Variants in SYTL3 observed in about 807,000 individuals in gnomAD.
SYTL3 encodes synaptotagmin-like protein 3.
Under a neutral mutation model 82.1 loss-of-function variants are expected in SYTL3, and 88 were observed. The observed-to-expected ratio is 1.07, with a 90% CI of 0.90 to 1.28. The LOEUF (loss-of-function observed/expected upper bound fraction) is 1.28. Among genes scored for constraint, SYTL3 ranks in the 50% most tolerant of loss-of-function variants. The pLI is 0.00. For missense variants in SYTL3, 831 were observed against 757.6 expected, an observed-to-expected ratio of 1.10 and a Z score of -1.14; for synonymous variants, 311 against 289.4, an observed-to-expected ratio of 1.07 and a Z score of -0.76.
intron 11 of SYTL3, among the ~76,000 whole-genome samples, chr6:158,735,749 A>G (rs1390064528): frequency 6.6e-6 from 1 of 152,250 alleles, no homozygotes; most frequent in Non-Finnish European, 1.5e-5. Flanking sequence ...TCAGTGCAAA[A>G]TTAAAGCAAG....
Position 158,764,619 on chromosome 6 carries a change from G to A in SYTL3, c.*15G>A. 1.9e-6 allele frequency: 3 copies of A among 1,593,958 alleles called. No individual in the cohort carries two copies. Among genetic ancestry groups the A allele is most frequent in the Non-Finnish European group, 2.6e-6 (3 of 1,161,644 alleles). On this transcript the variant is annotated 3_prime_UTR_variant, in exon 18 of 18. Transcript: ENST00000611299. ...TCCTGCACTGACATGAAGGCCTCAA[G>A]GTTCCAGGTTGCAGCAGGCGTGAGG... is the stretch of plus-strand genomic sequence containing the variant.
At position 158,758,817 on chromosome 6, in the gene SYTL3, A is replaced by G. The variant is rs74594821; in HGVS notation, c.1308+1436A>G. ...CTCCTCCAGGAAGCCATTCCTGATT[A>G]CCCCTACCAGAAGTGGCCTCCCTTC... is the stretch of plus-strand genomic sequence containing the variant. On this transcript the variant is annotated intron_variant, in intron 14 of 17. Transcript: ENST00000611299. Among the ~76,000 whole-genome samples the G allele has an allele frequency of 4.0e-3, 613 of 152,054 alleles. 43 individuals carry two copies. The East Asian group carries it at 0.098, about 24-fold the overall frequency.
At chr6:158,764,461 C>A (rs375461335) in intron 17 of SYTL3, 34 bp from the exon 18 acceptor site, 1 of 1,544,712 alleles carries the variant, frequency 6.5e-7, no homozygotes, top group Non-Finnish European at 8.9e-7. Context: ...GGTGCCCTCC[C>A]CGACCATGGC....
At chr6:158,719,379 T>G (rs1245686214) in intron 10 of SYTL3, among the ~76,000 whole-genome samples, 1 of 152,120 alleles carries the variant, frequency 6.6e-6, no homozygotes, top group Non-Finnish European at 1.5e-5. Flanking sequence ...CCAGCTCTTA[T>G]GAGTATAGGG....
chr6:158,688,482 G>A (rs376569730), intron 6 of SYTL3, among the ~76,000 whole-genome samples: 16 of 152,210 alleles, frequency 1.1e-4, no homozygotes, highest in Middle Eastern at 3.4e-3. Context: ...AAAACTAGAC[G>A]CCAGGCTCAG....
intron 9 of SYTL3, among the ~76,000 whole-genome samples, chr6:158,716,889 A>G (rs1313167774): frequency 6.6e-6 from 1 of 152,242 alleles, no homozygotes; most frequent in Non-Finnish European, 1.5e-5. Flanking sequence ...GGTTTCAGAG[A>G]CTTGGAATCC....
intron 11 of SYTL3, among the ~76,000 whole-genome samples, chr6:158,734,389 G>T (rs573136627): frequency 5.3e-5 from 8 of 152,068 alleles, no homozygotes; most frequent in African/African-American, 1.9e-4. Flanking sequence ...AGCCAAGTAC[G>T]TGGGCTTGGA....
At chr6:158,725,710 C>T in intron 11 of SYTL3, 73 bp downstream of exon 11, 2 of 1,547,926 alleles carry the variant, frequency 1.3e-6, no homozygotes, top group Non-Finnish European at 1.8e-6. Flanking sequence ...TGTACAAGTC[C>T]TTATTTCAAT....
At chr6:158,759,216 A>T (rs1202135335) in intron 14 of SYTL3, among the ~76,000 whole-genome samples, 3 of 152,162 alleles carry the variant, frequency 2.0e-5, no homozygotes, top group Non-Finnish European at 4.4e-5. Context: ...ACAGAGCTGC[A>T]GGTGGCACAG....
chr6:158,684,810 T>TAAAA (rs370131896), intron 6 of SYTL3, among the ~76,000 whole-genome samples: 1 of 125,446 alleles, frequency 8.0e-6, no homozygotes. Context: ...TGGCTCTTCT[T>TAAAA]AAAAAAAAAA....
rs1788053003 is a variant in SYTL3 at position 158,651,812 on chromosome 6, A to T, written c.-667A>T. 6.6e-6 allele frequency: 1 copy of T among 151,952 alleles called. No homozygotes were observed. Among genetic ancestry groups the T allele is most frequent in the Admixed American group, 6.5e-5 (1 of 15,276 alleles). The allele number at this position is 151,952 out of a possible 1,614,324, so 9.4% of individuals were successfully genotyped here. A position where few individuals can be genotyped will look rare whatever the true frequency, so the allele number is the denominator to read the frequency against. On this transcript the variant is annotated 5_prime_UTR_variant, in exon 2 of 18. Coordinates refer to ENST00000611299, the MANE Select transcript of SYTL3 (RefSeq NM_001242394.2). ...GGTGAATTGCAGTGATCTTTCAGAG[A>T]AAGCGCCTGTTCAACTTTGTCCTCT...
At chr6:158,649,434 C>T (rs956752400), upstream of SYTL3, among the ~76,000 whole-genome samples, 1 of 152,284 alleles carries the variant, frequency 6.6e-6, no homozygotes, top group African/African-American at 2.4e-5. Flanking sequence ...AGTACTGGCT[C>T]GGTAGGTGCC....
At chr6:158,701,108 A>C (rs1387940729) in intron 6 of SYTL3, among the ~76,000 whole-genome samples, 1 of 148,664 alleles carries the variant, frequency 6.7e-6, no homozygotes, top group East Asian at 2.0e-4. Context: ...GAGGACAGTC[A>C]TGGAATCCCT....
rs750075730 is a variant in SYTL3, at chr6:158,665,514, G to A, written c.230G>A (p.Gly77Asp). 3 of 1,595,130 alleles carry A rather than the reference G, an allele frequency of 1.9e-6. No individual in the cohort carries two copies. In the African/African-American group the frequency reaches 4.0e-5, roughly 21 times the overall value. Residue 77 changes from glycine to aspartate, a missense_variant, in exon 5 of 18, where the codon GGC becomes GAC. Gly to Asp is a moderately conservative substitution (Grantham distance 94). Transcript: ENST00000611299. ...GTGCTGGGGTTCCTGCTGCACCGGGGCGCCGTGTGCCGGGGCTGCAGCCAC... is the reference window on the plus strand; with the variant it reads ...GTGCTGGGGTTCCTGCTGCACCGGGACGCCGTGTGCCGGGGCTGCAGCCAC... ...QQVLGFLLHR[G>D]AVCRGCSHRV...
intron 8 of SYTL3, among the ~76,000 whole-genome samples, chr6:158,709,318 G>A (rs1022066996): frequency 2.6e-5 from 4 of 152,162 alleles, no homozygotes; most frequent in African/African-American, 7.2e-5. Flanking sequence ...GAACACTTGC[G>A]TTAGCCTACA....
the SYTL3 span, among the ~76,000 whole-genome samples, chr6:158,644,959 G>T: frequency 6.6e-6 from 1 of 152,240 alleles, no homozygotes; most frequent in Non-Finnish European, 1.5e-5. Context: ...ATCCGTGAGG[G>T]TAGCCGGGCA....
intron 2 of SYTL3, among the ~76,000 whole-genome samples, chr6:158,655,326 G>A (rs1205747236): frequency 1.3e-5 from 2 of 152,104 alleles, no homozygotes; most frequent in Admixed American, 6.6e-5. Context: ...GCCCTAGGAA[G>A]GAAGTTTGAC....
rs1789903966 is a variant in SYTL3, at chr6:158,665,322, C to T, written c.111-73C>T. 2.1e-6 allele frequency: 3 copies of T among 1,432,788 alleles called. No homozygotes were observed. In the African/African-American group the frequency reaches 4.2e-5, roughly 20 times the overall value. The allele number at this position is 1,432,788 out of a possible 1,614,324, so 88.8% of individuals were successfully genotyped here. ...CTTCCCTTGCCATGGGGGTTACTGC[C>T]TGGGCTCTTGCCCTATAGCCTGGGG... On this transcript the variant is annotated intron_variant, in intron 4 of 17. Transcript: ENST00000611299.
chr6:158,733,823 C>T (rs546415759), intron 11 of SYTL3, among the ~76,000 whole-genome samples: 49 of 150,798 alleles, frequency 3.2e-4, no homozygotes, highest in South Asian at 2.9e-3. Flanking sequence ...TTTGGCCGGG[C>T]GCGGTGGCTC....
Sources: gnomAD v4.1 joint callset for allele counts (sites outside exome capture counted in the v4.1 genomes callset) on GRCh38, gnomAD v4.1.1 for gene constraint, MANE v1.5 for transcripts, NCBI Gene and HGNC (gene_info 2026-07-23, HGNC 2026-07-21) for gene names.